PIGB: variants seen among roughly 807,000 people sequenced by gnomAD.
PIGB encodes phosphatidylinositol glycan anchor biosynthesis class B, also known as GPI alpha-1,2-mannosyltransferase 3.
PIGB carries 58 observed loss-of-function variants against 68.4 expected under a neutral mutation model. The ratio of observed to expected loss-of-function variants is 0.85; its 90% CI spans 0.69 to 1.06. The LOEUF (loss-of-function observed/expected upper bound fraction) is 1.06. Ranked by LOEUF, PIGB falls within the 50% of genes least tolerant of loss-of-function variation. The probability of loss-of-function intolerance (pLI) is 0.00; values close to 1 mark genes in which losing one functional copy is unlikely to be tolerated. For missense variants in PIGB, 634 were observed against 655.8 expected (o/e 0.97, Z 0.36); for synonymous variants, 219 against 220.5 (o/e 0.99, Z 0.06).
rs1283454985 is a variant in PIGB at position 55,319,275 on chromosome 15, G to A, written c.25G>A (p.Gly9Arg). ...GATGAGGAGGCCCCTAAGCAAGTGC[G>A]GAATGGAGCCGGGGGGCGGAGATGC... is the stretch of plus-strand genomic sequence containing the variant. MRRPLSKC[G>R]MEPGGGDASL... Residue 9 changes from glycine to arginine, a missense_variant, in exon 1 of 12, where the codon GGA becomes AGA. Coordinates refer to ENST00000164305, the MANE Select transcript of PIGB (RefSeq NM_004855.5). 22 of 1,607,264 alleles carry A rather than the reference G, an allele frequency of 1.4e-5. No individual in the cohort carries two copies. Among genetic ancestry groups the A allele is most frequent in the Admixed American group, 8.5e-5 (5 of 59,084 alleles).
intron 6 of PIGB, among the ~76,000 whole-genome samples, chr15:55,338,742 C>T (rs2055594199): frequency 6.6e-6 from 1 of 152,136 alleles, no homozygotes; most frequent in African/African-American, 2.4e-5. Flanking sequence ...TGGGTTAAGC[C>T]AGTTAATTAT....
At chr15:55,343,566 A>G (rs537792690) in intron 9 of PIGB, 1 of 152,270 alleles carries the variant, frequency 6.6e-6, no homozygotes, top group South Asian at 2.1e-4. Context: ...ACAAAGATTG[A>G]GTTGTCTGAA....
At chr15:55,348,421 C>T (rs1488944584) in intron 9 of PIGB, 8 of 152,258 alleles carry the variant, frequency 5.3e-5, no homozygotes. Flanking sequence ...ACGTTTGTCC[C>T]CTAAACCTTA....
intron 5 of PIGB, among the ~76,000 whole-genome samples, chr15:55,331,173 G>A (rs1254970533): frequency 1.3e-5 from 2 of 152,032 alleles, no homozygotes; most frequent in Non-Finnish European, 2.9e-5. Context: ...CATATCTCAC[G>A]TTCAGCTTGA....
At chr15:55,332,569 C>CAGA (rs1380812359) in intron 5 of PIGB, among the ~76,000 whole-genome samples, 3 of 151,854 alleles carry the variant, frequency 2.0e-5, no homozygotes, top group African/African-American at 7.3e-5. Context: ...GACAGGGTTT[C>CAGA]ACCATTTTGG....
In PIGB at chr15:55,333,896, C is replaced by T. The variant is rs1193957347; in HGVS notation, c.683C>T (p.Ala228Val). The stretch of plus-strand genomic sequence containing the variant: ...AAATACTCATCCCTGGTGGCACTTG[C>T]CTTCATAATTCGTCCCACAGCTGTC... ...SVKYSSLVAL[A>V]FIIRPTAVIL... The change falls in exon 6 of 12, where the codon GCC becomes GTC. Residue 228 changes from alanine (A) to valine (V), a missense_variant. Ala to Val is a moderately conservative substitution (Grantham distance 64, BLOSUM62 0). Coordinates refer to ENST00000164305, the MANE Select transcript of PIGB (RefSeq NM_004855.5). The T allele has an allele frequency of 2.5e-6, 4 of 1,606,130 alleles. No homozygotes were observed. Among genetic ancestry groups the T allele is most frequent in the Non-Finnish European group, 3.4e-6 (4 of 1,176,544 alleles).
chr15:55,339,940 G>A (rs1040279149), intron 7 of PIGB: 7 of 152,146 alleles, frequency 4.6e-5, no homozygotes, highest in African/African-American at 1.7e-4. Context: ...TGGGTGATGG[G>A]TGGACCAAAA....
intron 6 of PIGB, among the ~76,000 whole-genome samples, chr15:55,337,325 A>T (rs2055559916): frequency 6.6e-6 from 1 of 152,218 alleles, no homozygotes; most frequent in Admixed American, 6.5e-5. Context: ...AACTTAGGGC[A>T]GGGGTCACCA....
intron 3 of PIGB, among the ~76,000 whole-genome samples, chr15:55,322,574 A>G (rs1350952857): frequency 6.6e-6 from 1 of 152,172 alleles, no homozygotes; most frequent in Non-Finnish European, 1.5e-5. Flanking sequence ...ATGGCTCAGC[A>G]TTCCAAAGGC....
intron 1 of PIGB, 97 bp downstream of exon 1, chr15:55,319,510 G>T (rs751299651): frequency 1.1e-5 from 9 of 836,194 alleles, no homozygotes; most frequent in Non-Finnish European, 1.6e-5. Flanking sequence ...GCTCTGTGTT[G>T]CCAGATCTTG....
In PIGB at chr15:55,350,916, A is replaced by G; in HGVS notation, c.1337+4A>G. Reference sequence around the variant, plus strand: ...GCCACTCTACTCCTTATTACAGGTAATAAAAGATGTTCCACTATATGCTGT... The same window carrying G: ...GCCACTCTACTCCTTATTACAGGTAGTAAAAGATGTTCCACTATATGCTGT... On this transcript the variant is annotated splice_donor_region_variant and intron_variant, in intron 10 of 11. Coordinates refer to ENST00000164305, the MANE Select transcript of PIGB (RefSeq NM_004855.5). 1 of 1,451,360 alleles carries G rather than the reference A, an allele frequency of 6.9e-7. No individual in the cohort carries two copies. Among genetic ancestry groups the G allele is most frequent in the Non-Finnish European group, 9.6e-7 (1 of 1,038,324 alleles). 89.9% of individuals were successfully genotyped at this position (1,451,360 alleles called of 1,614,324 possible).
chr15:55,339,519 T>C (rs2414409), intron 7 of PIGB, among the ~76,000 whole-genome samples: 48,337 of 152,092 alleles, frequency 0.32, 8,529 homozygotes, highest in East Asian at 0.56. Flanking sequence ...GGAGAGTACA[T>C]TTTAAGGCAG....
At chr15:55,344,107 C>CT (rs2055735908) in intron 9 of PIGB, among the ~76,000 whole-genome samples, 1 of 152,240 alleles carries the variant, frequency 6.6e-6, no homozygotes, top group South Asian at 2.1e-4. Context: ...CATGACAACT[C>CT]TGTCAGCCAT....
At chr15:55,332,366 CTT>C (rs879663978) in intron 5 of PIGB, among the ~76,000 whole-genome samples, 1 of 144,462 alleles carries the variant, frequency 6.9e-6, no homozygotes, top group African/African-American at 2.5e-5. Flanking sequence ...AGAATTCATT[CTT>C]TTTTTTTTTT....
intron 3 of PIGB, among the ~76,000 whole-genome samples, chr15:55,327,026 T>C (rs1699237423): frequency 6.6e-6 from 1 of 151,820 alleles, no homozygotes; most frequent in African/African-American, 2.4e-5. Flanking sequence ...AGCTACTCAG[T>C]AGACTGAGGC....
intron 2 of PIGB, among the ~76,000 whole-genome samples, chr15:55,321,030 TTTTAATGC>T (rs1393742713): frequency 1.3e-5 from 2 of 152,194 alleles, no homozygotes; most frequent in African/African-American, 4.8e-5. Flanking sequence ...CCAATTGAAT[TTTTAATGC>T]AAATATCCAG....
intron 5 of PIGB, 27 bp from the exon 6 acceptor site, chr15:55,333,840 G>A: frequency 6.6e-7 from 1 of 1,506,182 alleles, no homozygotes; most frequent in Non-Finnish European, 8.9e-7. Context: ...TTTCCCACTT[G>A]TCTTATCACA....
chr15:55,327,510 T>A (rs375547830), intron 3 of PIGB, 21 bp from the exon 4 acceptor site: 1 of 1,498,926 alleles, frequency 6.7e-7, no homozygotes, highest in African/African-American at 1.4e-5. Flanking sequence ...AACATCCTGT[T>A]CTTCTTTTTA....
chr15:55,335,331 T>A lies in PIGB; in HGVS notation c.794+1324T>A, dbSNP rs544816361. On this transcript the variant is annotated intron_variant, in intron 6 of 11. Transcript: ENST00000164305. The stretch of plus-strand genomic sequence containing the variant: ...CTGAAAAGGACTAAATTATCTTGCA[T>A]CTCAGTTGCTACTGTTGTCATTTCT... Among the ~76,000 whole-genome samples, 26 of 152,356 alleles carry A rather than the reference T, an allele frequency of 1.7e-4. 1 individual carries two copies. Among genetic ancestry groups the A allele is most frequent in the Non-Finnish European group, 2.8e-4 (19 of 68,036 alleles).
Sources: gnomAD v4.1 joint callset for allele counts (sites outside exome capture counted in the v4.1 genomes callset) on GRCh38, gnomAD v4.1.1 for gene constraint, MANE v1.5 for transcripts, NCBI Gene and HGNC (gene_info 2026-07-23, HGNC 2026-07-21) for gene names.